BIRC6: variants seen among roughly 807,000 people sequenced by gnomAD.
The protein encoded by BIRC6 is baculoviral IAP repeat containing 6, also known as dual E2 ubiquitin-conjugating enzyme/E3 ubiquitin-protein ligase BIRC6.
A neutral mutation model predicts 503.3 loss-of-function variants in BIRC6; 98 were observed. The observed-to-expected ratio is 0.19, with a 90% CI of 0.17 to 0.23. The LOEUF (loss-of-function observed/expected upper bound fraction) is 0.23. Among genes scored for constraint, BIRC6 ranks in the 10% least tolerant of loss-of-function variants. The pLI is 1.00. For synonymous variants in BIRC6, 2,240 were observed against 2,078.7 expected (o/e 1.08, Z -2.11); for missense variants, 5,360 against 5,806.0 (o/e 0.92, Z 2.50).
chr2:32,441,259 A>G (rs1276083506), intron 16 of BIRC6, 70 bp from the exon 17 acceptor site: 1 of 1,146,016 alleles, frequency 8.7e-7, no homozygotes, highest in Non-Finnish European at 1.2e-6. Flanking sequence ...CCTTTATTTT[A>G]TAACTTCAAT....
In BIRC6 at chr2:32,415,172, A is replaced by C. The variant is rs200120740; in HGVS notation, c.1881A>C (p.Leu627Phe). 54 of 1,614,028 alleles carry C rather than the reference A, an allele frequency of 3.3e-5. No homozygotes were observed. In the East Asian group the frequency reaches 1.1e-3, roughly 34 times the overall value. Reference protein sequence around the residue: ...ELNSPLVRRTLPVLLLYSIKE... With the variant: ...ELNSPLVRRTFPVLLLYSIKE... Reference sequence around the variant, plus strand: ...ATTCTCCTCTGGTAAGGAGGACTTTACCGGTTTTGCTTCTTTATAGCATCA... The same window carrying C: ...ATTCTCCTCTGGTAAGGAGGACTTTCCCGGTTTTGCTTCTTTATAGCATCA... Residue 627 changes from leucine (L) to phenylalanine (F), a missense_variant, in exon 10 of 74, where the codon TTA becomes TTC. Physicochemically the swap from Leu to Phe is conservative, Grantham distance 22. Coordinates refer to ENST00000421745, the MANE Select transcript of BIRC6 (RefSeq NM_016252.4).
intron 3 of BIRC6, among the ~76,000 whole-genome samples, chr2:32,384,579 C>A (rs577254838): frequency 2.6e-4 from 40 of 152,214 alleles, no homozygotes; most frequent in Admixed American, 9.8e-4. Flanking sequence ...GACTAGGAAT[C>A]CCGTATAATC....
intron 65 of BIRC6, chr2:32,558,625 A>C (rs1195980786): frequency 6.6e-6 from 1 of 152,202 alleles, no homozygotes; most frequent in Non-Finnish European, 1.5e-5. Context: ...TCAGAGTTTT[A>C]AAATAATTAA....
Position 32,388,834 on chromosome 2 carries a change from C to A in BIRC6, c.730C>A (p.Gln244Lys), listed in dbSNP as rs770256373. 1.9e-6 allele frequency: 3 copies of A among 1,613,228 alleles called. No homozygotes were observed. The highest frequency in any genetic ancestry group is 2.2e-5 in the South Asian group (2 of 91,008). Reference sequence around the variant, plus strand: ...TGTAAATGAACTCAAGAAAATAAATCAAAATGTTGCTGCCTTACCTGTGGC... The same window carrying A: ...TGTAAATGAACTCAAGAAAATAAATAAAAATGTTGCTGCCTTACCTGTGGC... ...AIVNELKKIN[Q>K]NVAALPVASS... The change falls in exon 4 of 74, where the codon CAA becomes AAA. Residue 244 changes from glutamine to lysine, a missense_variant. By Grantham distance (53) the Gln-to-Lys change is moderately conservative. Coordinates refer to ENST00000421745, the MANE Select transcript of BIRC6 (RefSeq NM_016252.4).
At chr2:32,570,005 T>C (rs1156707501) in intron 65 of BIRC6, among the ~76,000 whole-genome samples, 4 of 152,196 alleles carry the variant, frequency 2.6e-5, no homozygotes, top group Non-Finnish European at 2.9e-5. Context: ...TTGTTCCAGT[T>C]CTTAGAGGGA....
intron 59 of BIRC6, chr2:32,526,379 G>A (rs1288768449): frequency 6.6e-6 from 1 of 152,176 alleles, no homozygotes; most frequent in Non-Finnish European, 1.5e-5. Context: ...GTGCATTACT[G>A]TGTTTTTTTG....
chr2:32,437,835 G>C (rs1259695113), intron 15 of BIRC6, among the ~76,000 whole-genome samples: 1 of 152,116 alleles, frequency 6.6e-6, no homozygotes. Flanking sequence ...TTATGTGTTA[G>C]GTTTCATGCT....
At chr2:32,566,212 A>G (rs1225604787) in intron 65 of BIRC6, 1 of 152,178 alleles carries the variant, frequency 6.6e-6, no homozygotes, top group Non-Finnish European at 1.5e-5. Context: ...CTAATTTTTT[A>G]TGGCTACATA....
At chr2:32,480,014 A>G (rs1253909307) in intron 37 of BIRC6, among the ~76,000 whole-genome samples, 1 of 151,676 alleles carries the variant, frequency 6.6e-6, no homozygotes, top group Non-Finnish European at 1.5e-5. Flanking sequence ...ATAAATTAGC[A>G]TGTATAATCC....
At chr2:32,614,433 T>C (rs2063098937) in intron 73 of BIRC6, among the ~76,000 whole-genome samples, 1 of 152,272 alleles carries the variant, frequency 6.6e-6, no homozygotes, top group Non-Finnish European at 1.5e-5. Flanking sequence ...CGCATTCCTT[T>C]ATTTCTTCTG....
intron 65 of BIRC6, among the ~76,000 whole-genome samples, chr2:32,562,969 A>G (rs1373628660): frequency 6.6e-6 from 1 of 152,134 alleles, no homozygotes; most frequent in East Asian, 1.9e-4. Context: ...TGAGTACCAC[A>G]TTGTCTTAAT....
Position 32,415,043 on chromosome 2 carries a change from T to C in BIRC6, c.1752T>C (p.Ser584=). The C allele has an allele frequency of 6.2e-7, 1 of 1,613,898 alleles. No individual in the cohort carries two copies. The highest frequency in any genetic ancestry group is 1.1e-5 in the South Asian group (1 of 91,068). The change falls in exon 10 of 74, where the codon AGT becomes AGC. Residue 584 remains serine (S), a synonymous_variant. Coordinates refer to ENST00000421745, the MANE Select transcript of BIRC6 (RefSeq NM_016252.4). ...TYKSPATSPI[S]SNSHRSLDGL... ...AATCTCCTGCTACCTCACCCATTAGTAGTAATTCTCACAGGTCACTGGATG... is the reference window on the plus strand; with the variant it reads ...AATCTCCTGCTACCTCACCCATTAGCAGTAATTCTCACAGGTCACTGGATG...
chr2:32,557,084 T>C (rs1357080374), intron 65 of BIRC6, among the ~76,000 whole-genome samples: 2 of 152,244 alleles, frequency 1.3e-5, no homozygotes, highest in Non-Finnish European at 2.9e-5. Context: ...TTCTTTTCTA[T>C]GTAGTCTTTA....
At chr2:32,575,459 C>A in intron 66 of BIRC6, 93 bp downstream of exon 66, 1 of 1,222,360 alleles carries the variant, frequency 8.2e-7, no homozygotes, top group Non-Finnish European at 1.2e-6. Flanking sequence ...GTGATATGTG[C>A]TTTTTAAAAG....
chr2:32,521,340 T>C (rs901040431), intron 57 of BIRC6, among the ~76,000 whole-genome samples: 4 of 83,142 alleles, frequency 4.8e-5, no homozygotes, highest in African/African-American at 1.8e-4. Flanking sequence ...CCAGACCACC[T>C]GGGCAACATA....
At chr2:32,507,470 A>G (rs116712550) in intron 50 of BIRC6, among the ~76,000 whole-genome samples, 4 of 152,320 alleles carry the variant, frequency 2.6e-5, no homozygotes, top group Non-Finnish European at 4.4e-5. Context: ...AAAAATTTCT[A>G]AACTCAGCTG....
At chr2:32,501,965 A>G (rs1401098741) in intron 47 of BIRC6, 77 bp downstream of exon 47, 2 of 1,302,728 alleles carry the variant, frequency 1.5e-6, no homozygotes. Context: ...CAGGACAAAG[A>G]TAAATAAGTA....
Position 32,442,078 on chromosome 2 carries a change from G to A in BIRC6, c.3958G>A (p.Ala1320Thr), listed in dbSNP as rs1247530468. ...SISKERVQRC[A>T]MLQFSEFHEK... ...CTTTTTTTGTAGAGTGCAACGATGT[G>A]CCATGTTACAGTTTTCAGAATTTCA... Residue 1320 changes from alanine (A) to threonine (T), a missense_variant, in exon 18 of 74, where the codon GCC becomes ACC. Physicochemically the swap from Ala to Thr is moderately conservative, Grantham distance 58 (BLOSUM62 0). This residue lies in a region of BIRC6 where 2,299 missense variants were observed against 2,267.2 expected (regional missense o/e 1.01). Coordinates refer to ENST00000421745, the MANE Select transcript of BIRC6 (RefSeq NM_016252.4). 1.3e-6 allele frequency: 2 copies of A among 1,579,566 alleles called. No individual in the cohort carries two copies. Among genetic ancestry groups the A allele is most frequent in the East Asian group, 4.5e-5 (2 of 44,730 alleles).
rs1426671317 is a variant in BIRC6 at position 32,415,642 on chromosome 2, T to C, written c.2351T>C (p.Leu784Pro). ...SALCNRRKGE[L>P]ESNLAVVNGA... Reference sequence around the variant, plus strand: ...CTATGTAATAGACGGAAAGGTGAGCTGGAATCAAATCTTGCTGTAGTGAAT... The same window carrying C: ...CTATGTAATAGACGGAAAGGTGAGCCGGAATCAAATCTTGCTGTAGTGAAT... Residue 784 changes from leucine (L) to proline (P), a missense_variant, in exon 10 of 74, where the codon CTG (leucine) becomes CCG (proline). Around this residue, in one of 16 missense-constraint regions of BIRC6, gnomAD observed 700 missense variants for 739.3 expected, o/e 0.95. Transcript: ENST00000421745. 1.9e-6 allele frequency: 3 copies of C among 1,613,998 alleles called. No homozygotes were observed. The highest frequency in any genetic ancestry group is 2.5e-6 in the Non-Finnish European group (3 of 1,179,896).
Sources: gnomAD v4.1 joint callset for allele counts (sites outside exome capture counted in the v4.1 genomes callset) on GRCh38, gnomAD v4.1.1 for gene constraint, gnomAD v4.1.1 regional missense constraint, MANE v1.5 for transcripts, NCBI Gene and HGNC (gene_info 2026-07-23, HGNC 2026-07-21) for gene names.